DNAJB12: variants seen among roughly 807,000 people sequenced by gnomAD.
DNAJB12 encodes DnaJ heat shock protein family (Hsp40) member B12.
A neutral mutation model predicts 40.6 loss-of-function variants in DNAJB12; 14 were observed. The ratio of observed to expected loss-of-function variants is 0.34; its 90% CI spans 0.23 to 0.54. DNAJB12 has a LOEUF of 0.54. Ranked by LOEUF, DNAJB12 falls within the 20% of genes least tolerant of loss-of-function variation. The pLI is 0.92. For synonymous variants in DNAJB12, 181 were observed against 199.5 expected, an observed-to-expected ratio of 0.91 and a Z score of 0.78; for missense variants, 444 against 501.7, an observed-to-expected ratio of 0.89 and a Z score of 1.10.
intron 1 of DNAJB12, among the ~76,000 whole-genome samples, chr10:72,351,247 C>T (rs1310657805): frequency 1.3e-5 from 2 of 152,228 alleles, no homozygotes; most frequent in Non-Finnish European, 2.9e-5. Context: ...CTGACTGGCT[C>T]CACCATCTCT....
intron 1 of DNAJB12, chr10:72,353,487 A>C (rs926664955): frequency 6.6e-6 from 1 of 152,262 alleles, no homozygotes; most frequent in Non-Finnish European, 1.5e-5. Flanking sequence ...CAATCTCATC[A>C]GGCGGGCAGG....
At chr10:72,343,012 T>C (rs779565604) in intron 3 of DNAJB12, among the ~76,000 whole-genome samples, 2 of 152,304 alleles carry the variant, frequency 1.3e-5, no homozygotes, top group Middle Eastern at 3.4e-3. Flanking sequence ...GTTACCCCAG[T>C]GGGCAGCTAT....
At chr10:72,345,153 G>A (rs1238248040) in intron 1 of DNAJB12, 26 bp from the exon 2 acceptor site, 1 of 1,577,700 alleles carries the variant, frequency 6.3e-7, no homozygotes, top group African/African-American at 1.4e-5. Context: ...AAACCATTCA[G>A]AGCTCCTGCT....
At chr10:72,344,165 C>T (rs966159006) in intron 2 of DNAJB12, among the ~76,000 whole-genome samples, 1 of 152,174 alleles carries the variant, frequency 6.6e-6, no homozygotes, top group East Asian at 1.9e-4. Context: ...TCTTCCTCTC[C>T]GCGTCCCTGG....
In DNAJB12 at chr10:72,343,375, C is replaced by G. The variant is rs894371017; in HGVS notation, c.448G>C (p.Ala150Pro). The G allele has an allele frequency of 6.2e-7, 1 of 1,613,246 alleles. No homozygotes were observed. ...AGCAGGGCTGGCTTACCTTTGAAGG[C>G]TTCAGTGGCACCAGGTGCGTGGTTC... ...DKNHAPGATE[A>P]FKAIGTAYAV... The change falls in exon 3 of 9, where the codon GCC becomes CCC. Residue 150 changes from alanine (A) to proline (P), a missense_variant. By Grantham distance (27) the Ala-to-Pro change is conservative (BLOSUM62 -1). Coordinates refer to ENST00000444643, the MANE Select transcript of DNAJB12 (RefSeq NM_017626.7).
intron 1 of DNAJB12, among the ~76,000 whole-genome samples, chr10:72,345,569 CAAAAA>C (rs34465078): frequency 2.2e-5 from 2 of 92,288 alleles, no homozygotes. Flanking sequence ...GACCCTGTCT[CAAAAA>C]AAAAAAAAAA....
chr10:72,335,616 C>G lies in DNAJB12; in HGVS notation c.*30+164G>C. The G allele has an allele frequency of 1.4e-6, 2 of 1,399,288 alleles. No individual in the cohort carries two copies. Among genetic ancestry groups the G allele is most frequent in the Non-Finnish European group, 1.9e-6 (2 of 1,077,454 alleles). The allele number at this position is 1,399,288 out of a possible 1,614,324, so 86.7% of individuals were successfully genotyped here. ...GCGGAAACCGACCTTGGTTTCCCAG[C>G]AGGCCCCACAGCTGCTCGGTCTCTG... On this transcript the variant is annotated intron_variant, in intron 8 of 8. Transcript: ENST00000444643. The surrounding 1 kb of genome is among the most constrained non-coding windows in gnomAD (Gnocchi z 4.4).
chr10:72,352,464 CCT>C (rs1269390997), intron 1 of DNAJB12, among the ~76,000 whole-genome samples: 4 of 152,090 alleles, frequency 2.6e-5, no homozygotes, highest in Admixed American at 1.3e-4. Context: ...CAAAGCATTC[CCT>C]CACTGTGAGA....
In DNAJB12 at chr10:72,338,283, A is replaced by G. The variant is rs1861534499; in HGVS notation, c.752T>C (p.Met251Thr). 6.2e-6 allele frequency: 10 copies of G among 1,614,002 alleles called. No individual in the cohort carries two copies. The highest frequency in any genetic ancestry group is 8.5e-6 in the Non-Finnish European group (10 of 1,180,002). ...DGGLGVFVQL[M>T]PILILILVSA... ...CACGAGAATCAGGATGAGGATAGGC[A>G]TCAGCTGCACAAACACCCCTAGCCC... The change falls in exon 6 of 9, where the codon ATG (methionine) becomes ACG (threonine). Residue 251 changes from methionine (M) to threonine (T), a missense_variant. Transcript: ENST00000444643.
At chr10:72,336,914 T>TA in intron 6 of DNAJB12, 3 of 458,130 alleles carry the variant, frequency 6.5e-6, no homozygotes, top group East Asian at 3.5e-5. Context: ...GCCCTGCCTT[T>TA]AGATCCCTGC....
intron 7 of DNAJB12, 90 bp downstream of exon 7, chr10:72,336,434 A>C (rs954982785): frequency 1.4e-6 from 2 of 1,404,426 alleles, no homozygotes; most frequent in African/African-American, 1.4e-5. Context: ...CTCAGAGCAC[A>C]GGGTGAGCAG....
At chr10:72,336,948 C>A in intron 6 of DNAJB12, 1 of 362,634 alleles carries the variant, frequency 2.8e-6, no homozygotes, top group African/African-American at 2.1e-5. Context: ...GACCTGGGGC[C>A]TTTGGGGAGA....
chr10:72,344,808 G>C (rs1288581692), intron 2 of DNAJB12, 142 bp downstream of exon 2: 4 of 945,540 alleles, frequency 4.2e-6, no homozygotes, highest in Non-Finnish European at 6.5e-6. Context: ...GGTGAGCCTG[G>C]ACCCTTGGAC....
chr10:72,337,912 TTG>T (rs530181098), intron 6 of DNAJB12, among the ~76,000 whole-genome samples: 3 of 151,936 alleles, frequency 2.0e-5, no homozygotes, highest in Non-Finnish European at 2.9e-5. Flanking sequence ...TGTGCATGTA[TTG>T]TGTGTGTGTG....
chr10:72,334,333 C>G lies in DNAJB12; in HGVS notation c.*315G>C, dbSNP rs1861404925. ...CCCCAGCCCTTCCCACTGATATCTG[C>G]TGCGAGTTTTACATTCTACTTTCGT... On this transcript the variant is annotated 3_prime_UTR_variant, in exon 9 of 9. Transcript: ENST00000444643. 1 of 514,690 alleles carries G rather than the reference C, an allele frequency of 1.9e-6. No individual in the cohort carries two copies. The highest frequency in any genetic ancestry group is 2.0e-5 in the African/African-American group (1 of 49,164). The allele number at this position is 514,690 out of a possible 1,614,324, so 31.9% of individuals were successfully genotyped here. A position where few individuals can be genotyped will look rare whatever the true frequency, so the allele number is the denominator to read the frequency against.
Position 72,335,760 on chromosome 10 carries a change from G to A in DNAJB12, c.*30+20C>T. 6.2e-7 allele frequency: 1 copy of A among 1,607,600 alleles called. No individual in the cohort carries two copies. Among genetic ancestry groups the A allele is most frequent in the Non-Finnish European group, 8.5e-7 (1 of 1,176,046 alleles). ...CAAAGCTGCCAGGAGTTGCAGGGTG[G>A]AGGCAGCCCTGGCTCATACTTGGAC... On this transcript the variant is annotated intron_variant, in intron 8 of 8. Coordinates refer to ENST00000444643, the MANE Select transcript of DNAJB12 (RefSeq NM_017626.7). This position sits in a 1 kb window ranked among gnomAD's most constrained non-coding sequence, Gnocchi z 4.4.
intron 2 of DNAJB12, 94 bp downstream of exon 2, chr10:72,344,856 T>A (rs3793835): frequency 0.045 from 64,824 of 1,455,750 alleles, 3,507 homozygotes; most frequent in African/African-American, 0.26. Flanking sequence ...GGCCCTGTGC[T>A]GCCCACAGGC....
chr10:72,336,807 T>C (rs2131979290), intron 6 of DNAJB12, 111 bp from the exon 7 acceptor site: 1 of 902,600 alleles, frequency 1.1e-6, no homozygotes, highest in Non-Finnish European at 1.7e-6. Flanking sequence ...AGTAGTTGGT[T>C]CCCTCTCAAA....
chr10:72,345,306 G>A (rs1361599387), intron 1 of DNAJB12, among the ~76,000 whole-genome samples, 179 bp from the exon 2 acceptor site: 2 of 152,190 alleles, frequency 1.3e-5, no homozygotes, highest in Non-Finnish European at 1.5e-5. Context: ...TAGTCCTTAA[G>A]AGTAGGCAGG....
Sources: gnomAD v4.1 joint callset for allele counts (sites outside exome capture counted in the v4.1 genomes callset) on GRCh38, gnomAD v4.1.1 for gene constraint, Gnocchi (gnomAD v3.1) non-coding constraint, MANE v1.5 for transcripts, NCBI Gene and HGNC (gene_info 2026-07-23, HGNC 2026-07-21) for gene names.